ASTN2: variants seen among roughly 807,000 people sequenced by gnomAD.
ASTN2 encodes the protein astrotactin-2.
ASTN2 carries 54 observed loss-of-function variants against 139.8 expected under a neutral mutation model. That is an observed-to-expected ratio of 0.39 (90% CI 0.31 to 0.48). ASTN2 has a LOEUF of 0.48. ASTN2 is among the 20% of genes least tolerant of loss of function. The pLI, the probability that ASTN2 is intolerant of heterozygous loss-of-function variation, is 0.95. For synonymous variants in ASTN2, 756 were observed against 719.5 expected (o/e 1.05, Z -0.81); for missense variants, 1,565 against 1,725.1 (o/e 0.91, Z 1.64).
At chr9:117,099,973 G>A (rs938137241) in intron 4 of ASTN2, among the ~76,000 whole-genome samples, 39 of 152,218 alleles carry the variant, frequency 2.6e-4, no homozygotes, top group African/African-American at 9.2e-4. Flanking sequence ...TACAACCAGG[G>A]AAAGTGTGTG....
intron 3 of ASTN2, among the ~76,000 whole-genome samples, chr9:117,203,512 G>A (rs1471956405): frequency 6.6e-6 from 1 of 152,090 alleles, no homozygotes; most frequent in Non-Finnish European, 1.5e-5. Context: ...ACCCTTGGAT[G>A]GGGTTTTTGT....
chr9:116,473,101 A>G (rs1193521535), intron 20 of ASTN2, among the ~76,000 whole-genome samples: 1 of 152,210 alleles, frequency 6.6e-6, no homozygotes. Flanking sequence ...AAGACTTTGC[A>G]TAATGAATGG....
At chr9:116,893,053 T>C (rs1391802549) in intron 10 of ASTN2, among the ~76,000 whole-genome samples, 1 of 152,044 alleles carries the variant, frequency 6.6e-6, no homozygotes, top group African/African-American at 2.4e-5. Flanking sequence ...TTATCACACT[T>C]ATTATTTATT....
intron 21 of ASTN2, among the ~76,000 whole-genome samples, chr9:116,441,871 G>T (rs1847849586): frequency 6.6e-6 from 1 of 152,174 alleles, no homozygotes; most frequent in Admixed American, 6.5e-5. Context: ...ATTTTTTCAG[G>T]TTATTTTTGC....
At chr9:117,266,205 AG>A (rs1210561366) in intron 2 of ASTN2, among the ~76,000 whole-genome samples, 10 of 152,312 alleles carry the variant, frequency 6.6e-5, no homozygotes, top group African/African-American at 2.2e-4. Flanking sequence ...CCCAAAGCTA[AG>A]GGCACAGCCA....
At chr9:117,386,437 T>C (rs10739491) in intron 1 of ASTN2, among the ~76,000 whole-genome samples, 58,404 of 151,954 alleles carry the variant, frequency 0.38, 11,854 homozygotes, top group Non-Finnish European at 0.46. Flanking sequence ...CTCAGGGACC[T>C]AGGAACATGG....
chr9:116,948,013 A>G (rs1245214098), intron 10 of ASTN2, among the ~76,000 whole-genome samples: 2 of 152,134 alleles, frequency 1.3e-5, no homozygotes, highest in African/African-American at 4.8e-5. Flanking sequence ...ACCCTTTTCA[A>G]TTTGGGTTTA....
chr9:117,200,181 T>C (rs560380366), intron 3 of ASTN2, among the ~76,000 whole-genome samples: 56 of 152,006 alleles, frequency 3.7e-4, no homozygotes, highest in African/African-American at 1.2e-3. Flanking sequence ...GCTTCACCCA[T>C]TAACTCGTCA....
At chr9:116,988,222 T>C (rs531997436) in intron 7 of ASTN2, among the ~76,000 whole-genome samples, 36 of 152,306 alleles carry the variant, frequency 2.4e-4, no homozygotes, top group Admixed American at 4.6e-4. Flanking sequence ...ATTAGAGATA[T>C]GCATTTGCCA....
intron 6 of ASTN2, among the ~76,000 whole-genome samples, chr9:117,015,767 C>CT (rs889674362): frequency 6.6e-5 from 10 of 151,508 alleles, no homozygotes; most frequent in African/African-American, 9.7e-5. Flanking sequence ...CATGAAAGTA[C>CT]TTTTTTTTTC....
intron 10 of ASTN2, among the ~76,000 whole-genome samples, chr9:116,895,585 C>T (rs1396933193): frequency 6.6e-6 from 1 of 152,142 alleles, no homozygotes; most frequent in East Asian, 1.9e-4. Flanking sequence ...TAGTAGTATC[C>T]TATCAAGGTC....
Position 116,550,963 on chromosome 9 carries a change from C to T in ASTN2, c.3356-63463G>A, listed in dbSNP as rs59494108. ...AGGAAGCCGCATGTACTCAGGGAAACCCTGTCTGCTCTGCCTTTCACAGGA... is the reference window on the plus strand; with the variant it reads ...AGGAAGCCGCATGTACTCAGGGAAATCCTGTCTGCTCTGCCTTTCACAGGA... On this transcript the variant is annotated intron_variant, in intron 19 of 22. Coordinates refer to ENST00000313400, the MANE Select transcript of ASTN2 (RefSeq NM_001365068.1). 0.019 allele frequency: 2,887 copies of T among 152,340 alleles called. 398 individuals are homozygous for T. In the South Asian group the frequency reaches 0.29, roughly 16 times the overall value. The allele number at this position is 152,340 out of a possible 1,614,324, so 9.4% of individuals were successfully genotyped here.
rs188859114 is a variant in ASTN2, at chr9:116,604,365, G to A, written c.3355+13959C>T. The stretch of plus-strand genomic sequence containing the variant: ...CACCCAGAAAGCAGCTGGAGTGACA[G>A]AAATATTTTCTGAGCCCCTAATATC... On this transcript the variant is annotated intron_variant, in intron 19 of 22. Transcript: ENST00000313400. Among the ~76,000 whole-genome samples the A allele has an allele frequency of 3.4e-3, 518 of 152,302 alleles. 1 individual carries two copies. Among genetic ancestry groups the A allele is most frequent in the African/African-American group, 0.012 (505 of 41,554 alleles).
chr9:117,238,246 G>C (rs1337166668), intron 2 of ASTN2, among the ~76,000 whole-genome samples: 1 of 152,120 alleles, frequency 6.6e-6, no homozygotes, highest in African/African-American at 2.4e-5. Flanking sequence ...AGGTCCTTTG[G>C]TTTAGCCATG....
intron 1 of ASTN2, among the ~76,000 whole-genome samples, chr9:117,314,211 A>G (rs1345617917): frequency 1.3e-5 from 2 of 152,176 alleles, no homozygotes; most frequent in East Asian, 1.9e-4. Flanking sequence ...GTAGACACAC[A>G]CAGAGTTAAC....
intron 2 of ASTN2, among the ~76,000 whole-genome samples, chr9:117,218,543 T>G (rs1832407918): frequency 6.6e-6 from 1 of 152,164 alleles, no homozygotes; most frequent in African/African-American, 2.4e-5. Flanking sequence ...TGGTAGCAGC[T>G]TAGGTAACGT....
chr9:116,759,155 T>A (rs1829610123), intron 13 of ASTN2, among the ~76,000 whole-genome samples: 1 of 152,194 alleles, frequency 6.6e-6, no homozygotes, highest in Admixed American at 6.5e-5. Context: ...GCTAAGATTC[T>A]AGGCCTGAGC....
intron 20 of ASTN2, among the ~76,000 whole-genome samples, chr9:116,473,531 T>C: frequency 6.6e-6 from 1 of 152,118 alleles, no homozygotes; most frequent in East Asian, 1.9e-4. Flanking sequence ...AAAACGTGAG[T>C]AACTGCACAG....
chr9:116,646,636 T>A (rs1010921038), intron 17 of ASTN2, among the ~76,000 whole-genome samples: 4 of 152,130 alleles, frequency 2.6e-5, no homozygotes, highest in African/African-American at 9.7e-5. Flanking sequence ...AGGCACTCCA[T>A]CCCTTAGGCT....
Sources: gnomAD v4.1 joint callset for allele counts (sites outside exome capture counted in the v4.1 genomes callset) on GRCh38, gnomAD v4.1.1 for gene constraint, MANE v1.5 for transcripts, NCBI Gene and HGNC (gene_info 2026-07-23, HGNC 2026-07-21) for gene names.